FRMPD4: variants seen among roughly 807,000 people sequenced by gnomAD.
FRMPD4 encodes the protein FERM and PDZ domain-containing protein 4.
In FRMPD4, 22 loss-of-function variants were observed where a neutral mutation model predicts 94.1. The ratio of observed to expected loss-of-function variants is 0.23; its 90% CI spans 0.17 to 0.33. The LOEUF (loss-of-function observed/expected upper bound fraction) is 0.33, where lower values mean the gene tolerates loss of function less well. FRMPD4 is among the 10% of genes least tolerant of loss of function. FRMPD4 has a pLI of 1.00. For missense variants in FRMPD4, 1,111 were observed against 1,339.9 expected, an observed-to-expected ratio of 0.83 and a Z score of 2.67; for synonymous variants, 631 against 548.6, an observed-to-expected ratio of 1.15 and a Z score of -2.10.
chrX:12,305,145 A>G (rs188771941), intron 1 of FRMPD4, among the ~76,000 whole-genome samples: 24 of 112,343 alleles, frequency 2.1e-4, no homozygotes, highest in African/African-American at 7.1e-4. Flanking sequence ...CCTAAATTCA[A>G]TTCTCTTCAG....
At chrX:11,881,901 A>G (rs2053815728) in intron 3 of FRMPD4, among the ~76,000 whole-genome samples, 1 of 111,875 alleles carries the variant, frequency 8.9e-6, no homozygotes, top group South Asian at 3.7e-4. Context: ...ATTAAGACTA[A>G]GACATACCAA....
At chrX:12,607,579 T>C (rs2059143547) in intron 2 of FRMPD4, among the ~76,000 whole-genome samples, 1 of 112,354 alleles carries the variant, frequency 8.9e-6, no homozygotes, top group Non-Finnish European at 1.9e-5. Flanking sequence ...TCAGAAGACC[T>C]GGTATGGATT....
chrX:12,471,643 G>A (rs139188514), intron 1 of FRMPD4, among the ~76,000 whole-genome samples: 102 of 111,803 alleles, frequency 9.1e-4, no homozygotes, highest in African/African-American at 3.1e-3. Flanking sequence ...TTGCCTTGTT[G>A]GTATTCTGGC....
intron 3 of FRMPD4, among the ~76,000 whole-genome samples, chrX:12,012,191 G>A (rs1031168034): frequency 8.1e-5 from 9 of 111,504 alleles, no homozygotes; most frequent in South Asian, 3.8e-4. Flanking sequence ...GAGCCACTGC[G>A]CCCAGCCCTG....
intron 1 of FRMPD4, among the ~76,000 whole-genome samples, chrX:12,443,097 T>C (rs1283241760): frequency 9.0e-6 from 1 of 110,520 alleles, no homozygotes; most frequent in East Asian, 2.8e-4. Flanking sequence ...GAATAGGGAG[T>C]GACTGCTAAC....
intron 1 of FRMPD4, among the ~76,000 whole-genome samples, chrX:12,494,561 C>T (rs1311703988): frequency 4.5e-5 from 5 of 111,506 alleles, no homozygotes; most frequent in African/African-American, 3.3e-5. Flanking sequence ...CTGATACTGC[C>T]ATGTTTCTAA....
At position 12,144,517 on chromosome X, in the gene FRMPD4, A is replaced by C. The variant is rs775225849; in HGVS notation, c.41+5505A>C. Among the ~76,000 whole-genome samples the C allele has an allele frequency of 2.7e-5, 3 of 109,554 alleles. No homozygotes were observed. The South Asian group carries it at 1.2e-3, about 42-fold the overall frequency. On this transcript the variant is annotated intron_variant, in intron 1 of 16. Coordinates refer to ENST00000675598, the MANE Select transcript of FRMPD4 (RefSeq NM_001368397.1). ...TTCTTTCAGAAATATATTTTCAAGT[A>C]TGGTTTACAGAATTTGGCATAAGAT...
At chrX:12,063,914 A>G (rs1275463467) in intron 3 of FRMPD4, among the ~76,000 whole-genome samples, 2 of 112,809 alleles carry the variant, frequency 1.8e-5, no homozygotes, top group South Asian at 3.6e-4. Flanking sequence ...AGTGTCATGT[A>G]TAGAGAAAAA....
chrX:12,609,949 T>C, intron 3 of FRMPD4, 68 bp downstream of exon 3: 1 of 998,637 alleles, frequency 1.0e-6, no homozygotes, highest in Non-Finnish European at 1.4e-6. Context: ...ATAACTACTG[T>C]TCAGTTTCAT....
intron 2 of FRMPD4, among the ~76,000 whole-genome samples, chrX:12,504,365 A>G (rs1472633417): frequency 2.7e-5 from 3 of 112,922 alleles, no homozygotes; most frequent in Non-Finnish European, 5.6e-5. Context: ...TGGGTTCTGC[A>G]TAAAAAGCAA....
chrX:12,717,534 C>G lies in FRMPD4; in HGVS notation c.2708C>G (p.Ser903Cys). ...VAILRAYSPE[S>C]SSDSGNETNS... is the part of the protein sequence containing the mutation. ...ATCTTGCGGGCTTATAGTCCTGAGT[C>G]TTCGTCAGACTCGGGCAATGAAACT... Residue 903 changes from serine to cysteine, a missense_variant, in exon 16 of 17, where the codon TCT becomes TGT. Coordinates refer to ENST00000675598, the MANE Select transcript of FRMPD4 (RefSeq NM_001368397.1). 8.3e-7 allele frequency: 1 copy of G among 1,202,488 alleles called. No homozygotes were observed. The highest frequency in any genetic ancestry group is 2.3e-4 in the Middle Eastern group (1 of 4,333).
In FRMPD4 at chrX:12,331,995, AT is replaced by A. The variant is rs58576870; in HGVS notation, c.42-166683del. On this transcript the variant is annotated intron_variant, in intron 1 of 16. Coordinates refer to ENST00000675598, the MANE Select transcript of FRMPD4 (RefSeq NM_001368397.1). ...ATATATATTTATATACTATATATAA[AT>A]TATATATATTTATATACTATATATA... is the stretch of plus-strand genomic sequence containing the variant. Among the ~76,000 whole-genome samples, 6 of 50,481 alleles carry A rather than the reference AT, an allele frequency of 1.2e-4. No individual in the cohort carries two copies. The Admixed American group carries it at 1.3e-3, about 11-fold the overall frequency. The allele number at this position is 50,481 out of a possible 115,157, so 43.8% of individuals were successfully genotyped here.
upstream of FRMPD4, among the ~76,000 whole-genome samples, chrX:12,134,606 A>T (rs1402578468): frequency 8.9e-6 from 1 of 111,888 alleles, no homozygotes; most frequent in African/African-American, 3.3e-5. Flanking sequence ...TCCTAACACC[A>T]GCTTTAGATA....
chrX:12,494,029 T>C (rs2057819401), intron 1 of FRMPD4, among the ~76,000 whole-genome samples: 3 of 112,377 alleles, frequency 2.7e-5, no homozygotes, highest in Non-Finnish European at 5.6e-5. Flanking sequence ...TTCCCTCTGA[T>C]GTAAAGATAT....
intron 3 of FRMPD4, among the ~76,000 whole-genome samples, chrX:11,900,614 C>T (rs2053931310): frequency 9.0e-6 from 1 of 111,133 alleles, no homozygotes; most frequent in Non-Finnish European, 1.9e-5. Context: ...TGGTCTGTCC[C>T]AGGGAGCTCC....
At chrX:12,306,938 G>T (rs966411120) in intron 1 of FRMPD4, among the ~76,000 whole-genome samples, 3 of 112,104 alleles carry the variant, frequency 2.7e-5, no homozygotes, top group African/African-American at 9.7e-5. Context: ...GCCCAAATGA[G>T]AATGTATTCA....
At chrX:12,467,822 T>C (rs1042746962) in intron 1 of FRMPD4, among the ~76,000 whole-genome samples, 1 of 111,948 alleles carries the variant, frequency 8.9e-6, no homozygotes, top group African/African-American at 3.2e-5. Flanking sequence ...ATGAGTAATA[T>C]CTCATGGAGG....
In FRMPD4 at chrX:12,583,621, G is replaced by A. The variant is rs2058891994; in HGVS notation, c.159-26100G>A. ...TGCTGGTAAAGCCTCGCACCTGGCG[G>A]CCCCGCCCCCGGCCCTGGCCAGGAC... On this transcript the variant is annotated intron_variant, in intron 2 of 16. Coordinates refer to ENST00000675598, the MANE Select transcript of FRMPD4 (RefSeq NM_001368397.1). 1.9e-5 allele frequency: 9 copies of A among 483,838 alleles called. No homozygotes were observed. In the East Asian group the frequency reaches 3.7e-4, roughly 20 times the overall value. 39.9% of individuals were successfully genotyped at this position (483,838 alleles called of 1,213,427 possible).
At chrX:11,914,051 C>T (rs910592567) in intron 3 of FRMPD4, among the ~76,000 whole-genome samples, 2 of 111,957 alleles carry the variant, frequency 1.8e-5, no homozygotes, top group African/African-American at 3.2e-5. Context: ...TCTAGAATTC[C>T]GGGACTTGAA....
Sources: allele counts gnomAD v4.1 joint callset (sites outside exome capture counted in the v4.1 genomes callset), GRCh38; gene constraint gnomAD v4.1.1; transcripts MANE v1.5; gene names NCBI Gene and HGNC (gene_info 2026-07-23, HGNC 2026-07-21).